Variants in LARGE1 observed in about 807,000 individuals in gnomAD.
LARGE1 encodes the protein xylosyl- and glucuronyltransferase LARGE1.
Under a neutral mutation model 87.6 loss-of-function variants are expected in LARGE1, and 43 were observed. The observed-to-expected ratio is 0.49, with a 90% CI of 0.38 to 0.63. The LOEUF (loss-of-function observed/expected upper bound fraction) is 0.63, where lower values mean the gene tolerates loss of function less well. Ranked by LOEUF, LARGE1 falls within the 30% of genes least tolerant of loss-of-function variation. LARGE1 has a pLI of 0.00. For missense variants in LARGE1, 802 were observed against 1,000.2 expected (o/e 0.80, Z 2.67); for synonymous variants, 434 against 394.6 (o/e 1.10, Z -1.18).
intron 5 of LARGE1, among the ~76,000 whole-genome samples, chr22:33,577,236 C>T (rs2078381469): frequency 6.6e-6 from 1 of 151,940 alleles, no homozygotes; most frequent in Non-Finnish European, 1.5e-5. Flanking sequence ...GAGGTTTAAT[C>T]AGGGAAATAA....
intron 3 of LARGE1, among the ~76,000 whole-genome samples, chr22:33,643,313 A>C (rs2080503131): frequency 6.6e-6 from 1 of 152,206 alleles, no homozygotes; most frequent in African/African-American, 2.4e-5. Context: ...AAATAACAAA[A>C]TTAAGGCAGA....
chr22:33,087,919 G>A, the LARGE1 span, among the ~76,000 whole-genome samples: 6 of 152,164 alleles, frequency 3.9e-5, no homozygotes, highest in Non-Finnish European at 8.8e-5. Flanking sequence ...GGGCAACAGA[G>A]TGAAACTCTA....
intron 12 of LARGE1, among the ~76,000 whole-genome samples, chr22:33,283,909 A>C (rs1428166844): frequency 6.6e-6 from 1 of 152,094 alleles, no homozygotes; most frequent in East Asian, 1.9e-4. Flanking sequence ...AGAAAAAAGA[A>C]GGAAAAGAAA....
chr22:33,383,856 G>A (rs748070099), intron 8 of LARGE1, among the ~76,000 whole-genome samples: 8 of 152,180 alleles, frequency 5.3e-5, no homozygotes, highest in African/African-American at 7.2e-5. Context: ...AGAGGGCACC[G>A]ACATCTACTT....
At chr22:33,195,008 G>A (rs979198276) in intron 11 of LARGE1, among the ~76,000 whole-genome samples, 1 of 152,102 alleles carries the variant, frequency 6.6e-6, no homozygotes, top group Non-Finnish European at 1.5e-5. Context: ...GCTTGCTAAG[G>A]GGATAATACA....
intron 7 of LARGE1, among the ~76,000 whole-genome samples, chr22:33,391,037 T>C (rs1239580066): frequency 6.6e-6 from 1 of 152,130 alleles, no homozygotes; most frequent in Non-Finnish European, 1.5e-5. Flanking sequence ...TACACTATGT[T>C]GGCCAGGCTG....
chr22:33,403,724 C>T (rs1338066767), intron 7 of LARGE1, among the ~76,000 whole-genome samples: 1 of 152,100 alleles, frequency 6.6e-6, no homozygotes, highest in African/African-American at 2.4e-5. Context: ...CTGCCTCAGC[C>T]TCCCGAGTAG....
At chr22:33,443,696 C>T (rs1312281228) in intron 6 of LARGE1, among the ~76,000 whole-genome samples, 1 of 152,218 alleles carries the variant, frequency 6.6e-6, no homozygotes, top group African/African-American at 2.4e-5. Context: ...AAGATATCCC[C>T]AGCAGGCCCA....
intron 1 of LARGE1, among the ~76,000 whole-genome samples, chr22:33,825,329 C>T (rs1469179472): frequency 6.6e-6 from 1 of 152,020 alleles, no homozygotes; most frequent in East Asian, 1.9e-4. Flanking sequence ...TAAAGACATA[C>T]CCGAGACTGG....
intron 13 of LARGE1, among the ~76,000 whole-genome samples, chr22:33,278,667 C>T (rs746607154): frequency 3.3e-5 from 5 of 152,086 alleles, no homozygotes; most frequent in Admixed American, 6.6e-5. Context: ...GATTCAAACC[C>T]GGGAAGCCTT....
intron 9 of LARGE1, among the ~76,000 whole-genome samples, chr22:33,378,942 G>A (rs1005256758): frequency 6.6e-6 from 1 of 152,132 alleles, no homozygotes; most frequent in African/African-American, 2.4e-5. Flanking sequence ...TATCAAGGAT[G>A]CAACTTGGGA....
intron 10 of LARGE1, among the ~76,000 whole-genome samples, chr22:33,321,215 T>A (rs1936679949): frequency 6.6e-6 from 1 of 152,204 alleles, no homozygotes; most frequent in South Asian, 2.1e-4. Flanking sequence ...ATAGTGATTA[T>A]CACAGGAAAG....
Position 33,573,853 on chromosome 22 carries a change from C to T in LARGE1, c.616-8834G>A, listed in dbSNP as rs1432669764. Among the ~76,000 whole-genome samples, 4 of 152,064 alleles carry T rather than the reference C, an allele frequency of 2.6e-5. No homozygotes were observed. The East Asian group carries it at 5.8e-4, about 22-fold the overall frequency. On this transcript the variant is annotated intron_variant, in intron 5 of 14. Coordinates refer to ENST00000397394, the MANE Select transcript of LARGE1 (RefSeq NM_133642.5). The stretch of plus-strand genomic sequence containing the variant: ...CTATGCTGGCTCCCACATACATGCC[C>T]GGCAGTTGATGCCAGCTATCAATAA...
At chr22:33,872,599 C>G (rs1217271420) in intron 1 of LARGE1, among the ~76,000 whole-genome samples, 1 of 152,046 alleles carries the variant, frequency 6.6e-6, no homozygotes. Flanking sequence ...TGAAGCAAGT[C>G]CCATGGAATT....
chr22:33,612,850 G>A (rs1353071385), intron 4 of LARGE1, among the ~76,000 whole-genome samples: 2 of 152,192 alleles, frequency 1.3e-5, no homozygotes, highest in Non-Finnish European at 2.9e-5. Flanking sequence ...AGCAGAAGGT[G>A]GACCAGTGTG....
intron 1 of LARGE1, among the ~76,000 whole-genome samples, chr22:33,836,122 T>C (rs897680187): frequency 2.6e-5 from 4 of 152,144 alleles, no homozygotes; most frequent in Non-Finnish European, 5.9e-5. Flanking sequence ...GTGACTAGAG[T>C]GCAGTCCAGT....
intron 1 of LARGE1, among the ~76,000 whole-genome samples, chr22:33,863,970 C>G (rs570788964): frequency 6.6e-6 from 1 of 152,184 alleles, no homozygotes; most frequent in Non-Finnish European, 1.5e-5. Context: ...GCCTAACTAA[C>G]GCCTCCCATG....
At chr22:33,376,128 G>A (rs1362210550) in intron 9 of LARGE1, among the ~76,000 whole-genome samples, 1 of 151,880 alleles carries the variant, frequency 6.6e-6, no homozygotes, top group Non-Finnish European at 1.5e-5. Context: ...AACACTCACT[G>A]CATGCCCATC....
At chr22:33,077,079 A>G in the LARGE1 span, among the ~76,000 whole-genome samples, 1 of 152,214 alleles carries the variant, frequency 6.6e-6, no homozygotes, top group Non-Finnish European at 1.5e-5. Flanking sequence ...GTTAATACAC[A>G]AGAAATGCTC....
Sources: gnomAD v4.1 joint callset for allele counts (sites outside exome capture counted in the v4.1 genomes callset) on GRCh38, gnomAD v4.1.1 for gene constraint, MANE v1.5 for transcripts, NCBI Gene and HGNC (gene_info 2026-07-23, HGNC 2026-07-21) for gene names.